ANGPT1: variants seen among roughly 807,000 people sequenced by gnomAD.
ANGPT1 encodes angiopoietin-1.
Under a neutral mutation model 62.2 loss-of-function variants are expected in ANGPT1, and 17 were observed. That is an observed-to-expected ratio of 0.27 (90% confidence interval 0.19 to 0.41). ANGPT1 has a LOEUF of 0.41. ANGPT1 is among the 10% of genes least tolerant of loss of function. The pLI is 1.00. For synonymous variants in ANGPT1, 199 were observed against 198.9 expected, an observed-to-expected ratio of 1.00 and a Z score of 0.00; for missense variants, 478 against 594.9, an observed-to-expected ratio of 0.80 and a Z score of 2.04.
chr8:107,374,977 T>C (rs1211680622), intron 1 of ANGPT1, among the ~76,000 whole-genome samples: 3 of 152,090 alleles, frequency 2.0e-5, no homozygotes, highest in Non-Finnish European at 4.4e-5. Flanking sequence ...CTGGCCAACA[T>C]GGTGAAACCC....
In ANGPT1 at chr8:107,416,575, C is replaced by T. The variant is rs190531905; in HGVS notation, c.298-69478G>A. On this transcript the variant is annotated intron_variant, in intron 1 of 8. Coordinates refer to ENST00000517746, the MANE Select transcript of ANGPT1 (RefSeq NM_001146.5). Reference sequence around the variant, plus strand: ...TGTCCTCTTTGGCCTTTTATGGAAACCTCATTGGACAGGCAGGATTGAAGC... The same window carrying T: ...TGTCCTCTTTGGCCTTTTATGGAAATCTCATTGGACAGGCAGGATTGAAGC... Among the ~76,000 whole-genome samples, 25 of 152,160 alleles carry T rather than the reference C, an allele frequency of 1.6e-4. No homozygotes were observed. The East Asian group carries it at 3.3e-3, about 20-fold the overall frequency.
At chr8:107,417,154 T>A (rs966948652) in intron 1 of ANGPT1, among the ~76,000 whole-genome samples, 1 of 152,086 alleles carries the variant, frequency 6.6e-6, no homozygotes, top group Non-Finnish European at 1.5e-5. Flanking sequence ...TCTATGGCCT[T>A]CAGGAGAAAT....
At chr8:107,402,133 T>G (rs1040639743) in intron 1 of ANGPT1, among the ~76,000 whole-genome samples, 2 of 152,172 alleles carry the variant, frequency 1.3e-5, no homozygotes, top group African/African-American at 4.8e-5. Flanking sequence ...AACTCATCAC[T>G]TCTGAAGATC....
rs373202425 is a variant in ANGPT1, at chr8:107,394,889, G to A, written c.298-47792C>T. Among the ~76,000 whole-genome samples, 121 of 152,232 alleles carry A rather than the reference G, an allele frequency of 7.9e-4. No homozygotes were observed. In the South Asian group the frequency reaches 0.024, roughly 31 times the overall value. ...TCATAAAAATATGTAGCTCTTCCTA[G>A]AGCTTCCTTATGGATTTTTTTCCTC... On this transcript the variant is annotated intron_variant, in intron 1 of 8. Coordinates refer to ENST00000517746, the MANE Select transcript of ANGPT1 (RefSeq NM_001146.5).
intron 1 of ANGPT1, among the ~76,000 whole-genome samples, chr8:107,440,072 C>T (rs1328426374): frequency 6.6e-6 from 1 of 151,984 alleles, no homozygotes; most frequent in Non-Finnish European, 1.5e-5. Flanking sequence ...TAGGTGATGG[C>T]AGAACATCTA....
intron 1 of ANGPT1, among the ~76,000 whole-genome samples, chr8:107,481,532 CAAAAAA>C (rs71562147): frequency 9.3e-5 from 6 of 64,334 alleles, no homozygotes; most frequent in South Asian, 7.4e-4. Flanking sequence ...GACTCTGTCT[CAAAAAA>C]AAAAAAAAAA....
At chr8:107,333,447 A>T (rs1369634426) in intron 3 of ANGPT1, among the ~76,000 whole-genome samples, 1 of 152,226 alleles carries the variant, frequency 6.6e-6, no homozygotes, top group African/African-American at 2.4e-5. Flanking sequence ...TGAATTTCCA[A>T]TTAAAACCCA....
intron 1 of ANGPT1, among the ~76,000 whole-genome samples, chr8:107,415,655 G>A (rs937447283): frequency 1.3e-5 from 2 of 152,154 alleles, no homozygotes; most frequent in Admixed American, 1.3e-4. Flanking sequence ...AAGCAATAGA[G>A]TATATCACTG....
intron 1 of ANGPT1, among the ~76,000 whole-genome samples, chr8:107,449,851 A>G (rs1009152598): frequency 6.6e-6 from 1 of 152,112 alleles, no homozygotes; most frequent in Admixed American, 6.6e-5. Flanking sequence ...CTGTATGATG[A>G]ATCAAGAATA....
At chr8:107,293,548 G>C (rs1814334847) in intron 6 of ANGPT1, among the ~76,000 whole-genome samples, 1 of 152,110 alleles carries the variant, frequency 6.6e-6, no homozygotes, top group Non-Finnish European at 1.5e-5. Flanking sequence ...GCAACAATTA[G>C]CCAGTTATGT....
intron 7 of ANGPT1, among the ~76,000 whole-genome samples, chr8:107,277,045 C>T (rs937757862): frequency 2.0e-5 from 3 of 151,996 alleles, no homozygotes; most frequent in African/African-American, 7.3e-5. Flanking sequence ...ATATAAATAT[C>T]CACAAAATGT....
At chr8:107,494,616 A>G (rs1813045703) in intron 1 of ANGPT1, 1 of 152,176 alleles carries the variant, frequency 6.6e-6, no homozygotes, top group Non-Finnish European at 1.5e-5. Flanking sequence ...AATTAAATCC[A>G]TCACATCAAG....
At position 107,294,095 on chromosome 8, in the gene ANGPT1, C is replaced by A. The variant is rs1483517062; in HGVS notation, c.937-58G>T. 4 of 1,385,096 alleles carry A rather than the reference C, an allele frequency of 2.9e-6. 1 individual carries two copies. The Admixed American group carries it at 7.6e-5, about 26-fold the overall frequency. The allele number at this position is 1,385,096 out of a possible 1,614,324, so 85.8% of individuals were successfully genotyped here. On this transcript the variant is annotated intron_variant, in intron 5 of 8. Transcript: ENST00000517746. Reference sequence around the variant, plus strand: ...TACTTCTACTTTAAAAAACATATATCCTACATGTTTCAAAATAGGAATAAG... The same window carrying A: ...TACTTCTACTTTAAAAAACATATATACTACATGTTTCAAAATAGGAATAAG...
At chr8:107,361,941 C>A (rs1336634094) in intron 1 of ANGPT1, among the ~76,000 whole-genome samples, 1 of 152,062 alleles carries the variant, frequency 6.6e-6, no homozygotes, top group Non-Finnish European at 1.5e-5. Flanking sequence ...CGCCTGTAAT[C>A]ACAGCTACTC....
chr8:107,369,317 G>GA (rs1287661225), intron 1 of ANGPT1, among the ~76,000 whole-genome samples: 18 of 152,180 alleles, frequency 1.2e-4, no homozygotes, highest in Non-Finnish European at 1.5e-5. Context: ...TAGAATTGAA[G>GA]AGAGTTACGC....
intron 1 of ANGPT1, among the ~76,000 whole-genome samples, chr8:107,472,033 C>A (rs1428838398): frequency 1.3e-5 from 2 of 151,728 alleles, no homozygotes; most frequent in African/African-American, 4.8e-5. Context: ...TTTTTGATGA[C>A]CTAAACATTT....
intron 5 of ANGPT1, among the ~76,000 whole-genome samples, chr8:107,300,490 C>CT (rs1249633969): frequency 1.3e-5 from 2 of 151,726 alleles, no homozygotes; most frequent in Non-Finnish European, 2.9e-5. Flanking sequence ...AAGGCCAGGT[C>CT]TTTCTCTCTT....
At chr8:107,264,083 G>A in intron 8 of ANGPT1, 138 bp downstream of exon 8, 4 of 1,049,466 alleles carry the variant, frequency 3.8e-6, no homozygotes, top group East Asian at 2.9e-5. Context: ...GGGTAAATTC[G>A]TGGGCAGAAC....
chr8:107,409,652 G>A (rs1007078675), intron 1 of ANGPT1, among the ~76,000 whole-genome samples: 3 of 151,976 alleles, frequency 2.0e-5, no homozygotes, highest in Non-Finnish European at 4.4e-5. Context: ...GGGCCAATGA[G>A]ATTATAATAT....
Sources: gnomAD v4.1 joint callset for allele counts (sites outside exome capture counted in the v4.1 genomes callset) on GRCh38, gnomAD v4.1.1 for gene constraint, MANE v1.5 for transcripts, NCBI Gene and HGNC (gene_info 2026-07-23, HGNC 2026-07-21) for gene names.